The following MEIS2 variants were observed in gnomAD, a reference collection of about 807,000 sequenced individuals.
MEIS2 encodes homeobox protein Meis2.
A neutral mutation model predicts 58.6 loss-of-function variants in MEIS2; 9 were observed. That is an observed-to-expected ratio of 0.15 (90% CI 0.09 to 0.27). The LOEUF is 0.27. Among genes scored for constraint, MEIS2 ranks in the 10% least tolerant of loss-of-function variants. The pLI is 1.00. For synonymous variants in MEIS2, 221 were observed against 228.4 expected, an observed-to-expected ratio of 0.97 and a Z score of 0.29; for missense variants, 427 against 635.0, an observed-to-expected ratio of 0.67 and a Z score of 3.52.
At chr15:37,051,540 G>A (rs1249515599) in intron 7 of MEIS2, among the ~76,000 whole-genome samples, 4 of 152,194 alleles carry the variant, frequency 2.6e-5, no homozygotes, top group African/African-American at 9.7e-5. Context: ...TGATTATGGT[G>A]CTGGTCTCGT....
chr15:36,940,486 T>C (rs2058336537), intron 9 of MEIS2, among the ~76,000 whole-genome samples: 1 of 152,152 alleles, frequency 6.6e-6, no homozygotes, highest in Non-Finnish European at 1.5e-5. Context: ...ACTTTGTCTT[T>C]AGTGCAAAAC....
chr15:36,989,220 G>A (rs2060189816), intron 8 of MEIS2, among the ~76,000 whole-genome samples: 1 of 152,162 alleles, frequency 6.6e-6, no homozygotes. Flanking sequence ...AACTAGAGAG[G>A]TTAAGTGACC....
intron 9 of MEIS2, among the ~76,000 whole-genome samples, chr15:36,899,032 T>C (rs1193713220): frequency 2.0e-5 from 3 of 152,234 alleles, no homozygotes; most frequent in African/African-American, 7.2e-5. Context: ...CTGAAGGTTT[T>C]CACTAGGTCC....
intron 6 of MEIS2, among the ~76,000 whole-genome samples, chr15:37,089,266 T>C (rs79130721): frequency 0.027 from 4,115 of 152,252 alleles, 73 homozygotes; most frequent in East Asian, 0.061. Flanking sequence ...CATATTATTA[T>C]CCAATTTCAT....
chr15:37,036,756 A>G, intron 8 of MEIS2, 58 bp downstream of exon 8: 1 of 1,575,940 alleles, frequency 6.3e-7, no homozygotes, highest in African/African-American at 1.4e-5. Flanking sequence ...ATGAGACCGT[A>G]TAACTTGCTA....
At chr15:36,937,178 T>C (rs1258223202) in intron 9 of MEIS2, among the ~76,000 whole-genome samples, 1 of 152,204 alleles carries the variant, frequency 6.6e-6, no homozygotes, top group Non-Finnish European at 1.5e-5. Context: ...ATAGCAAAGG[T>C]ATAGTGACTT....
intron 7 of MEIS2, among the ~76,000 whole-genome samples, chr15:37,066,824 T>C (rs554273896): frequency 6.6e-6 from 1 of 152,316 alleles, no homozygotes; most frequent in South Asian, 2.1e-4. Context: ...TTGCCCAGGC[T>C]GGAGTGCAGT....
In MEIS2 at chr15:36,950,479, T is replaced by C. The variant is rs567354765; in HGVS notation, c.901-79A>G. ...CTTACTTCTAAGAATAAAACCACCGTTGGTGATTTCTTTAGTCTATGGCTT... is the reference window on the plus strand; with the variant it reads ...CTTACTTCTAAGAATAAAACCACCGCTGGTGATTTCTTTAGTCTATGGCTT... On this transcript the variant is annotated intron_variant, in intron 8 of 11. Transcript: ENST00000561208. The C allele has an allele frequency of 1.4e-4, 185 of 1,344,888 alleles. No individual in the cohort carries two copies. The African/African-American group carries it at 2.3e-3, about 17-fold the overall frequency. 83.3% of individuals were successfully genotyped at this position (1,344,888 alleles called of 1,614,324 possible). A position where few individuals can be genotyped will look rare whatever the true frequency, so the allele number is the denominator to read the frequency against.
intron 6 of MEIS2, among the ~76,000 whole-genome samples, chr15:37,086,633 T>G (rs1400334671): frequency 6.6e-6 from 1 of 152,170 alleles, no homozygotes; most frequent in East Asian, 1.9e-4. Context: ...TTATTTCCCA[T>G]AGAGTGTCTC....
chr15:37,098,666 G>T lies in MEIS2; in HGVS notation c.13-467C>A, dbSNP rs564949461. ...CCGCCGGAGGCAACAGAACCGTAGC[G>T]AGCCAACGGAGGGAGAAGTGGAGTT... is the stretch of plus-strand genomic sequence containing the variant. On this transcript the variant is annotated intron_variant, in intron 1 of 11. Coordinates refer to ENST00000561208, the MANE Select transcript of MEIS2 (RefSeq NM_170675.5). 13 of 193,976 alleles carry T rather than the reference G, an allele frequency of 6.7e-5. No homozygotes were observed. In the East Asian group the frequency reaches 2.4e-3, roughly 36 times the overall value. 12.0% of individuals were successfully genotyped at this position (193,976 alleles called of 1,614,324 possible).
chr15:36,993,180 C>T (rs1208570994), intron 8 of MEIS2, among the ~76,000 whole-genome samples: 1 of 152,026 alleles, frequency 6.6e-6, no homozygotes, highest in Non-Finnish European at 1.5e-5. Context: ...GAATTATTAC[C>T]TGGATTTCCT....
chr15:36,944,628 A>T (rs1335669557), intron 9 of MEIS2, among the ~76,000 whole-genome samples: 1 of 152,124 alleles, frequency 6.6e-6, no homozygotes. Context: ...TTTCATCAGC[A>T]TCGGCAGTTT....
chr15:36,956,197 AAAAAAAAAAAAAAG>A (rs943554779), intron 8 of MEIS2, among the ~76,000 whole-genome samples: 198 of 149,940 alleles, frequency 1.3e-3, no homozygotes, highest in Non-Finnish European at 2.4e-3. Context: ...TCAAAAAAAA[AAAAAAAAAAAAAAG>A]AGTCCAAAGA....
chr15:36,912,694 ACATGCTCTG>A (rs1283830595), intron 9 of MEIS2, among the ~76,000 whole-genome samples: 1 of 152,198 alleles, frequency 6.6e-6, no homozygotes, highest in African/African-American at 2.4e-5. Context: ...GAGAGATTAA[ACATGCTCTG>A]CATACCTGCT....
chr15:36,965,483 T>C (rs959767513), intron 8 of MEIS2, among the ~76,000 whole-genome samples: 6 of 152,342 alleles, frequency 3.9e-5, no homozygotes, highest in African/African-American at 1.2e-4. Flanking sequence ...ATGTAAGTGA[T>C]ACTATATCTG....
intron 8 of MEIS2, among the ~76,000 whole-genome samples, chr15:36,987,157 C>T (rs1296502593): frequency 2.4e-4 from 37 of 152,168 alleles, no homozygotes; most frequent in Non-Finnish European, 8.8e-5. Flanking sequence ...GCTATAATCC[C>T]AGAACTTTGG....
intron 9 of MEIS2, among the ~76,000 whole-genome samples, chr15:36,911,270 CGTGT>C (rs57919785): frequency 0.014 from 2,049 of 149,966 alleles, 24 homozygotes; most frequent in East Asian, 0.071. Context: ...TTAAGAATAA[CGTGT>C]GTGTGTGTGT....
At chr15:37,027,140 C>T (rs1042606912) in intron 8 of MEIS2, among the ~76,000 whole-genome samples, 2 of 152,294 alleles carry the variant, frequency 1.3e-5, no homozygotes, top group South Asian at 4.1e-4. Context: ...ATGCTTCCTA[C>T]CTAAGTCACT....
At chr15:36,986,055 T>C (rs1567145044) in intron 8 of MEIS2, among the ~76,000 whole-genome samples, 1 of 152,220 alleles carries the variant, frequency 6.6e-6, no homozygotes, top group Non-Finnish European at 1.5e-5. Context: ...CATTGAGAGA[T>C]AAATTATACT....
Sources: gnomAD v4.1 joint callset for allele counts (sites outside exome capture counted in the v4.1 genomes callset) on GRCh38, gnomAD v4.1.1 for gene constraint, MANE v1.5 for transcripts, NCBI Gene and HGNC (gene_info 2026-07-23, HGNC 2026-07-21) for gene names.